Variants in KCNJ2 observed in about 807,000 individuals in gnomAD.
KCNJ2 encodes the protein potassium inwardly rectifying channel subfamily J member 2, also known as inward rectifier potassium channel 2.
In KCNJ2, 12 loss-of-function variants were observed where a neutral mutation model predicts 28.4. The observed-to-expected ratio is 0.42, with a 90% CI of 0.27 to 0.68. KCNJ2 has a LOEUF of 0.68. KCNJ2 is among the 30% of genes least tolerant of loss of function. The pLI is 0.23. For synonymous variants in KCNJ2, 200 were observed against 203.2 expected, an observed-to-expected ratio of 0.98 and a Z score of 0.13; for missense variants, 320 against 551.3, an observed-to-expected ratio of 0.58 and a Z score of 4.20.
At chr17:70,174,801 G>A (rs2074382394) in intron 1 of KCNJ2, 23 bp from the exon 2 acceptor site, 3 of 576,680 alleles carry the variant, frequency 5.2e-6, no homozygotes, top group African/African-American at 3.7e-5. Flanking sequence ...ATTTTGTAAT[G>A]CACAGTCTCT....
chr17:70,170,800 G>T (rs1416655259), intron 1 of KCNJ2, among the ~76,000 whole-genome samples: 1 of 152,166 alleles, frequency 6.6e-6, no homozygotes, highest in African/African-American at 2.4e-5. Flanking sequence ...AAATCCTGGT[G>T]CTCAGAAGGG....
At position 70,177,757 on chromosome 17, in the gene KCNJ2, G is replaced by A. The variant is rs1466445642; in HGVS notation, c.*1434G>A. On this transcript the variant is annotated 3_prime_UTR_variant, in exon 2 of 2. Coordinates refer to ENST00000243457, the MANE Select transcript of KCNJ2 (RefSeq NM_000891.3). ...CTTGCCTTTTTTATGGCAGAGGATAGTAATGAAAATGTCTCAGTATTTTAG... is the reference window on the plus strand; with the variant it reads ...CTTGCCTTTTTTATGGCAGAGGATAATAATGAAAATGTCTCAGTATTTTAG... The A allele has an allele frequency of 6.0e-6, 1 of 167,090 alleles. No individual in the cohort carries two copies. Among genetic ancestry groups the A allele is most frequent in the African/African-American group, 2.4e-5 (1 of 41,458 alleles). The allele number at this position is 167,090 out of a possible 1,614,324, so 10.4% of individuals were successfully genotyped here.
rs546384660 is a variant in KCNJ2 at position 70,172,441 on chromosome 17, A to G, written c.-216-2383A>G. On this transcript the variant is annotated intron_variant, in intron 1 of 1. Transcript: ENST00000243457. Reference sequence around the variant, plus strand: ...TGTTATTAGCAATGGAAATAAGACAATAATAGTCTCTCAATACAGGCTACT... The same window carrying G: ...TGTTATTAGCAATGGAAATAAGACAGTAATAGTCTCTCAATACAGGCTACT... Among the ~76,000 whole-genome samples the G allele has an allele frequency of 1.8e-4, 28 of 152,286 alleles. 1 individual carries two copies. The South Asian group carries it at 5.6e-3, about 30-fold the overall frequency.
At chr17:70,170,446 G>T (rs1380084339) in intron 1 of KCNJ2, among the ~76,000 whole-genome samples, 1 of 149,972 alleles carries the variant, frequency 6.7e-6, no homozygotes, top group Admixed American at 6.6e-5. Flanking sequence ...GATTCATCAT[G>T]ACAATTGGAA....
At position 70,175,175 on chromosome 17, in the gene KCNJ2, C is replaced by T. The variant is rs2074385043; in HGVS notation, c.136C>T (p.Arg46Cys). ...KVHTRQQCRS[R>C]FVKKDGHCNV... ...CCACACCCGACAACAGTGCAGGAGCCGCTTTGTGAAGAAAGATGGCCACTG... is the reference window on the plus strand; with the variant it reads ...CCACACCCGACAACAGTGCAGGAGCTGCTTTGTGAAGAAAGATGGCCACTG... Residue 46 changes from arginine to cysteine, a missense_variant, in exon 2 of 2, where the codon CGC becomes TGC. Coordinates refer to ENST00000243457, the MANE Select transcript of KCNJ2 (RefSeq NM_000891.3). This position sits in a 1 kb window ranked among gnomAD's most constrained non-coding sequence, Gnocchi z 8.3. The T allele has an allele frequency of 1.2e-6, 2 of 1,614,158 alleles. No individual in the cohort carries two copies. The highest frequency in any genetic ancestry group is 1.7e-6 in the Non-Finnish European group (2 of 1,180,040).
chr17:70,173,481 T>C (rs1044602374), intron 1 of KCNJ2, among the ~76,000 whole-genome samples: 1 of 152,248 alleles, frequency 6.6e-6, no homozygotes, highest in Non-Finnish European at 1.5e-5. Context: ...TAACTCTTAT[T>C]AGTTTTGTTA....
At position 70,176,534 on chromosome 17, in the gene KCNJ2, T is replaced by C. The variant is rs56194813; in HGVS notation, c.*211T>C. The C allele has an allele frequency of 5.0e-3, 3,061 of 615,760 alleles. 9 individuals are homozygous for C. Among genetic ancestry groups the C allele is most frequent in the Non-Finnish European group, 7.5e-3 (2,527 of 337,760 alleles). 38.1% of individuals were successfully genotyped at this position (615,760 alleles called of 1,614,324 possible). A position where few individuals can be genotyped will look rare whatever the true frequency, so the allele number is the denominator to read the frequency against. On this transcript the variant is annotated 3_prime_UTR_variant, in exon 2 of 2. Transcript: ENST00000243457. ...TGTCTCCATGTGACCCGATGGCACATAGATGTTGTAGAATAAGTTATGGGT... is the reference window on the plus strand; with the variant it reads ...TGTCTCCATGTGACCCGATGGCACACAGATGTTGTAGAATAAGTTATGGGT...
rs1222811085 is a variant in KCNJ2, at chr17:70,179,956, A to G, written c.*3633A>G. On this transcript the variant is annotated 3_prime_UTR_variant, in exon 2 of 2. Transcript: ENST00000243457. ...GTCTTTTTGTATCTAAAGTCTTCCTATTGTACTGCACAAACCATGGATTGT... is the reference window on the plus strand; with the variant it reads ...GTCTTTTTGTATCTAAAGTCTTCCTGTTGTACTGCACAAACCATGGATTGT... 1 of 166,878 alleles carries G rather than the reference A, an allele frequency of 6.0e-6. No homozygotes were observed. The highest frequency in any genetic ancestry group is 1.9e-4 in the East Asian group (1 of 5,198). The allele number at this position is 166,878 out of a possible 1,614,324, so 10.3% of individuals were successfully genotyped here.
rs1192190627 is a variant in KCNJ2, at chr17:70,178,745, T to C, written c.*2422T>C. 6.0e-6 allele frequency: 1 copy of C among 166,832 alleles called. No homozygotes were observed. Among genetic ancestry groups the C allele is most frequent in the African/African-American group, 2.4e-5 (1 of 41,446 alleles). The allele number at this position is 166,832 out of a possible 1,614,324, so 10.3% of individuals were successfully genotyped here. A position where few individuals can be genotyped will look rare whatever the true frequency, so the allele number is the denominator to read the frequency against. On this transcript the variant is annotated 3_prime_UTR_variant, in exon 2 of 2. Coordinates refer to ENST00000243457, the MANE Select transcript of KCNJ2 (RefSeq NM_000891.3). ...TAAAATTTCTGGTGCACAGGTTTGT[T>C]TTTTCAAGAAAATTTTGCAGAAGCT...
At chr17:70,170,001 A>G (rs2074356177) in intron 1 of KCNJ2, among the ~76,000 whole-genome samples, 1 of 152,164 alleles carries the variant, frequency 6.6e-6, no homozygotes, top group African/African-American at 2.4e-5. Context: ...AGCTGTAGCG[A>G]GATACTGGGT....
In KCNJ2 at chr17:70,176,584, C is replaced by T. The variant is rs1389416063; in HGVS notation, c.*261C>T. The stretch of plus-strand genomic sequence containing the variant: ...TTTTTATGTTTTGTTTTGTGTTTTT[C>T]CAAAACTTGAACTTGCAGGCAAGCC... On this transcript the variant is annotated 3_prime_UTR_variant, in exon 2 of 2. Transcript: ENST00000243457. 18 of 527,196 alleles carry T rather than the reference C, an allele frequency of 3.4e-5. No homozygotes were observed. Among genetic ancestry groups the T allele is most frequent in the Non-Finnish European group, 5.6e-5 (16 of 284,198 alleles). 32.7% of individuals were successfully genotyped at this position (527,196 alleles called of 1,614,324 possible). A position where few individuals can be genotyped will look rare whatever the true frequency, so the allele number is the denominator to read the frequency against.
In KCNJ2 at chr17:70,178,248, A is replaced by G. The variant is rs186741848; in HGVS notation, c.*1925A>G. On this transcript the variant is annotated 3_prime_UTR_variant, in exon 2 of 2. Coordinates refer to ENST00000243457, the MANE Select transcript of KCNJ2 (RefSeq NM_000891.3). ...ATCTGAATGCCGTGCCTGCAAAACT[A>G]TGACAATTTTTGCTGTTTTCAGCCT... 2.0e-4 allele frequency: 34 copies of G among 167,044 alleles called. No individual in the cohort carries two copies. Among genetic ancestry groups the G allele is most frequent in the Admixed American group, 1.8e-3 (27 of 15,286 alleles). 10.3% of individuals were successfully genotyped at this position (167,044 alleles called of 1,614,324 possible).
At chr17:70,169,727 T>G (rs1307080545) in intron 1 of KCNJ2, 26 bp downstream of exon 1, 1 of 153,374 alleles carries the variant, frequency 6.5e-6, no homozygotes, top group Non-Finnish European at 1.4e-5. Flanking sequence ...TTTTCTTCCT[T>G]TTCGCTCGCT....
At chr17:70,170,692 C>T (rs1050865977) in intron 1 of KCNJ2, among the ~76,000 whole-genome samples, 5 of 152,200 alleles carry the variant, frequency 3.3e-5, no homozygotes, top group African/African-American at 1.2e-4. Context: ...TTCCTCTCGC[C>T]AACCAATGTT....
Position 70,175,029 on chromosome 17 carries a change from C to A in KCNJ2, c.-11C>A, listed in dbSNP as rs761491520. Reference sequence around the variant, plus strand: ...TCCAAAGCAGAAGCACTGGAGTCCCCAGCAGAAGCGATGGGCAGTGTGCGA... The same window carrying A: ...TCCAAAGCAGAAGCACTGGAGTCCCAAGCAGAAGCGATGGGCAGTGTGCGA... On this transcript the variant is annotated 5_prime_UTR_variant, in exon 2 of 2. Coordinates refer to ENST00000243457, the MANE Select transcript of KCNJ2 (RefSeq NM_000891.3). This position sits in a 1 kb window ranked among gnomAD's most constrained non-coding sequence, Gnocchi z 8.3. The A allele has an allele frequency of 6.2e-7, 1 of 1,613,812 alleles. No individual in the cohort carries two copies. The highest frequency in any genetic ancestry group is 8.5e-7 in the Non-Finnish European group (1 of 1,179,794).
rs540174518 is a variant in KCNJ2, at chr17:70,173,866, C to T, written c.-216-958C>T. Among the ~76,000 whole-genome samples the T allele has an allele frequency of 2.0e-5, 3 of 152,226 alleles. No homozygotes were observed. In the East Asian group the frequency reaches 5.8e-4, roughly 29 times the overall value. On this transcript the variant is annotated intron_variant, in intron 1 of 1. Coordinates refer to ENST00000243457, the MANE Select transcript of KCNJ2 (RefSeq NM_000891.3). Reference sequence around the variant, plus strand: ...CCTTTGGCACAACGGTGCTTACTTCCTAGCCTGTCATTACACATGACAGCC... The same window carrying T: ...CCTTTGGCACAACGGTGCTTACTTCTTAGCCTGTCATTACACATGACAGCC...
intron 1 of KCNJ2, 85 bp downstream of exon 1, chr17:70,169,786 C>A (rs1233914778): frequency 6.5e-6 from 1 of 153,436 alleles, no homozygotes; most frequent in African/African-American, 2.4e-5. Flanking sequence ...CCTACCCTAC[C>A]CTGCCCCGCT....
At position 70,177,921 on chromosome 17, in the gene KCNJ2, G is replaced by C. The variant is rs563733772; in HGVS notation, c.*1598G>C. 53 of 166,786 alleles carry C rather than the reference G, an allele frequency of 3.2e-4. No homozygotes were observed. The highest frequency in any genetic ancestry group is 1.3e-3 in the African/African-American group (53 of 41,522). 10.3% of individuals were successfully genotyped at this position (166,786 alleles called of 1,614,324 possible). A position where few individuals can be genotyped will look rare whatever the true frequency, so the allele number is the denominator to read the frequency against. ...TTTCTCCTGTGGAGCCCTAGAGCAG[G>C]TTACTAAGGAAGGACACATTGTTTT... On this transcript the variant is annotated 3_prime_UTR_variant, in exon 2 of 2. Coordinates refer to ENST00000243457, the MANE Select transcript of KCNJ2 (RefSeq NM_000891.3).
In KCNJ2 at chr17:70,177,800, A is replaced by C. The variant is rs1195610672; in HGVS notation, c.*1477A>C. 6.0e-6 allele frequency: 1 copy of C among 167,116 alleles called. No homozygotes were observed. Among genetic ancestry groups the C allele is most frequent in the Non-Finnish European group, 1.5e-5 (1 of 68,126 alleles). The allele number at this position is 167,116 out of a possible 1,614,324, so 10.4% of individuals were successfully genotyped here. ...TATTTTAGGGTCAATGAGAGCCATA[A>C]AAATATAACATAATCACAAGTAAAG... On this transcript the variant is annotated 3_prime_UTR_variant, in exon 2 of 2. Transcript: ENST00000243457.
Sources: allele counts gnomAD v4.1 joint callset (sites outside exome capture counted in the v4.1 genomes callset), GRCh38; gene constraint gnomAD v4.1.1; non-coding constraint Gnocchi (gnomAD v3.1); transcripts MANE v1.5; gene names NCBI Gene and HGNC (gene_info 2026-07-23, HGNC 2026-07-21).